The following WDR7 variants were observed in gnomAD, a reference collection of about 807,000 sequenced individuals.
WDR7 encodes WD repeat-containing protein 7.
Under a neutral mutation model 169.4 loss-of-function variants are expected in WDR7, and 46 were observed. The ratio of observed to expected loss-of-function variants is 0.27; its 90% confidence interval spans 0.21 to 0.35. The LOEUF is 0.35. Ranked by LOEUF, WDR7 falls within the 10% of genes least tolerant of loss-of-function variation. The probability of loss-of-function intolerance (pLI) is 1.00; values close to 1 mark genes in which losing one functional copy is unlikely to be tolerated. For synonymous variants in WDR7, 612 were observed against 666.8 expected (o/e 0.92, Z 1.27); for missense variants, 1,534 against 1,859.3 (o/e 0.83, Z 3.22).
intron 16 of WDR7, among the ~76,000 whole-genome samples, chr18:56,760,755 G>A (rs1357992742): frequency 6.6e-6 from 1 of 152,176 alleles, no homozygotes; most frequent in Admixed American, 6.5e-5. Context: ...TTTCCTAAGT[G>A]TGAGACTGAT....
At chr18:56,709,592 A>G (rs1049321896) in intron 12 of WDR7, among the ~76,000 whole-genome samples, 4 of 152,166 alleles carry the variant, frequency 2.6e-5, no homozygotes, top group African/African-American at 9.7e-5. Context: ...AGGTTAAATG[A>G]CTCATCCAAG....
intron 26 of WDR7, among the ~76,000 whole-genome samples, chr18:56,969,335 G>A: frequency 6.6e-6 from 1 of 152,076 alleles, no homozygotes. Context: ...TTAGGCTCTT[G>A]GCCTTTCCTC....
intron 20 of WDR7, among the ~76,000 whole-genome samples, chr18:56,836,525 G>T (rs2145306715): frequency 6.6e-6 from 1 of 152,274 alleles, no homozygotes; most frequent in East Asian, 1.9e-4. Flanking sequence ...CACCATACTA[G>T]CAATTGCTAT....
At position 56,756,660 on chromosome 18, in the gene WDR7, T is replaced by C. The variant is rs139836626; in HGVS notation, c.2067T>C (p.His689=). 4.3e-5 allele frequency: 69 copies of C among 1,614,002 alleles called. No individual in the cohort carries two copies. The African/African-American group carries it at 7.3e-4, about 17-fold the overall frequency. ...IKTNLTDPDI[H]VLFFDVEALI... is the part of the protein sequence containing the mutation. Reference sequence around the variant, plus strand: ...CAAACCTAACAGACCCGGACATACATGTGCTATTCTTTGATGTGGAAGCGT... The same window carrying C: ...CAAACCTAACAGACCCGGACATACACGTGCTATTCTTTGATGTGGAAGCGT... Residue 689 remains histidine (H), a synonymous_variant, in exon 15 of 28, where the codon CAT becomes CAC. Coordinates refer to ENST00000254442, the MANE Select transcript of WDR7 (RefSeq NM_015285.3).
intron 16 of WDR7, among the ~76,000 whole-genome samples, chr18:56,763,000 G>A (rs1485669902): frequency 6.6e-6 from 1 of 150,574 alleles, no homozygotes; most frequent in Non-Finnish European, 1.5e-5. Context: ...TGGCTCTGTC[G>A]CCCAGGCTGG....
At chr18:56,870,693 G>A (rs948009322) in intron 20 of WDR7, among the ~76,000 whole-genome samples, 3 of 152,120 alleles carry the variant, frequency 2.0e-5, no homozygotes, top group African/African-American at 4.8e-5. Flanking sequence ...TTGCTCTGTT[G>A]CCCAGGTTGA....
At position 56,770,241 on chromosome 18, in the gene WDR7, G is replaced by A. The variant is rs531075795; in HGVS notation, c.2849-6541G>A. On this transcript the variant is annotated intron_variant, in intron 16 of 27. Transcript: ENST00000254442. ...ATAATATTTTAATTGGTTATTATAT[G>A]CTTTTCTAGACAATGAGTGCCTTGA... 2.6e-5 allele frequency among the ~76,000 whole-genome samples: 4 copies of A among 152,254 alleles called. No homozygotes were observed. The South Asian group carries it at 6.2e-4, about 24-fold the overall frequency.
chr18:56,857,666 A>T (rs931006195), intron 20 of WDR7, among the ~76,000 whole-genome samples: 2 of 152,162 alleles, frequency 1.3e-5, no homozygotes, highest in African/African-American at 2.4e-5. Context: ...GTGTGTGTGC[A>T]TGTGTGTACA....
At chr18:57,012,583 C>T (rs2048151214) in intron 26 of WDR7, among the ~76,000 whole-genome samples, 1 of 152,250 alleles carries the variant, frequency 6.6e-6, no homozygotes, top group African/African-American at 2.4e-5. Context: ...TGTTTCCAAG[C>T]AGCCCTGCTG....
chr18:56,668,493 GTATGTAAGCCCCAC>G, intron 1 of WDR7, among the ~76,000 whole-genome samples: 1 of 152,244 alleles, frequency 6.6e-6, no homozygotes, highest in East Asian at 1.9e-4. Flanking sequence ...TTGTTTACAT[GTATGTAAGCCCCAC>G]TGGATAGCTG....
At chr18:56,988,879 T>G (rs2047768918) in intron 26 of WDR7, among the ~76,000 whole-genome samples, 1 of 152,168 alleles carries the variant, frequency 6.6e-6, no homozygotes, top group African/African-American at 2.4e-5. Flanking sequence ...ATGTTAGTTT[T>G]GTAGCCTTGT....
At chr18:56,749,919 A>G (rs934870399) in intron 14 of WDR7, among the ~76,000 whole-genome samples, 2 of 150,192 alleles carry the variant, frequency 1.3e-5, no homozygotes, top group African/African-American at 2.5e-5. Context: ...CATTATAAAT[A>G]TATAATAATG....
intron 26 of WDR7, among the ~76,000 whole-genome samples, chr18:57,006,012 C>G (rs2048053304): frequency 6.6e-6 from 1 of 152,138 alleles, no homozygotes; most frequent in Non-Finnish European, 1.5e-5. Flanking sequence ...AGAAGTGTGT[C>G]CAAACTACCT....
intron 15 of WDR7, among the ~76,000 whole-genome samples, chr18:56,758,383 G>A (rs1032285329): frequency 1.1e-4 from 17 of 152,176 alleles, no homozygotes; most frequent in Non-Finnish European, 1.6e-4. Flanking sequence ...GAGAGATGAT[G>A]TAACGTGCCC....
At position 56,868,215 on chromosome 18, in the gene WDR7, A is replaced by G. The variant is rs900180831; in HGVS notation, c.3305-11729A>G. The stretch of plus-strand genomic sequence containing the variant: ...TAGAGGTTCTAATTTACTCCAAACG[A>G]ACCTTTAAAAAATGGTCACTTTTAG... On this transcript the variant is annotated intron_variant, in intron 20 of 27. Coordinates refer to ENST00000254442, the MANE Select transcript of WDR7 (RefSeq NM_015285.3). 7.9e-4 allele frequency among the ~76,000 whole-genome samples: 120 copies of G among 152,142 alleles called. 5 individuals are homozygous for G. The highest frequency in any genetic ancestry group is 1.5e-5 in the Non-Finnish European group (1 of 67,996).
At chr18:56,953,677 G>A (rs1186506229) in intron 25 of WDR7, among the ~76,000 whole-genome samples, 1 of 152,206 alleles carries the variant, frequency 6.6e-6, no homozygotes, top group Admixed American at 6.5e-5. Context: ...AGGACACACA[G>A]AAGAGACCCA....
At chr18:56,897,443 A>C (rs1001786107) in intron 21 of WDR7, among the ~76,000 whole-genome samples, 3 of 152,022 alleles carry the variant, frequency 2.0e-5, no homozygotes, top group Non-Finnish European at 4.4e-5. Context: ...GAAGTTCAAA[A>C]CCATGTAAAA....
At chr18:56,847,534 G>C (rs1007709761) in intron 20 of WDR7, among the ~76,000 whole-genome samples, 1 of 152,166 alleles carries the variant, frequency 6.6e-6, no homozygotes, top group Non-Finnish European at 1.5e-5. Flanking sequence ...GACTAAAAGG[G>C]AGCCAAGTGC....
At position 56,665,166 on chromosome 18, in the gene WDR7, G is replaced by A. The variant is rs555485310; in HGVS notation, c.-19-7331G>A. Among the ~76,000 whole-genome samples the A allele has an allele frequency of 3.9e-5, 6 of 152,044 alleles. No individual in the cohort carries two copies. The East Asian group carries it at 1.2e-3, about 29-fold the overall frequency. On this transcript the variant is annotated intron_variant, in intron 1 of 27. Transcript: ENST00000254442. ...AAATTAGTTAGGACTAGTAGCGGGC[G>A]CCTGTAATCCCAGCTACTCAGGAGG... is the stretch of plus-strand genomic sequence containing the variant.
Sources: allele counts gnomAD v4.1 joint callset (sites outside exome capture counted in the v4.1 genomes callset), GRCh38; gene constraint gnomAD v4.1.1; transcripts MANE v1.5; gene names NCBI Gene and HGNC (gene_info 2026-07-23, HGNC 2026-07-21).